FBXL13: variants seen among roughly 807,000 people sequenced by gnomAD.
The protein encoded by FBXL13 is F-box and leucine rich repeat protein 13.
In FBXL13, 67 loss-of-function variants were observed where a neutral mutation model predicts 83.6. The observed-to-expected ratio is 0.80, with a 90% CI of 0.66 to 0.98. FBXL13 has a LOEUF of 0.98. Among genes scored for constraint, FBXL13 ranks in the 50% least tolerant of loss-of-function variants. The pLI is 0.00. For synonymous variants in FBXL13, 272 were observed against 299.5 expected, an observed-to-expected ratio of 0.91 and a Z score of 0.95; for missense variants, 822 against 866.5, an observed-to-expected ratio of 0.95 and a Z score of 0.64.
intron 6 of FBXL13, among the ~76,000 whole-genome samples, chr7:102,974,719 T>C (rs1187494773): frequency 6.6e-6 from 1 of 152,082 alleles, no homozygotes; most frequent in Non-Finnish European, 1.5e-5. Context: ...TTTTCCTCGT[T>C]AGATCCAGCA....
At chr7:102,871,701 A>G (rs185737101) in intron 16 of FBXL13, among the ~76,000 whole-genome samples, 13 of 152,006 alleles carry the variant, frequency 8.6e-5, no homozygotes, top group Non-Finnish European at 1.8e-4. Context: ...CCAATTTTTA[A>G]TTTTTTTATT....
At chr7:102,828,695 G>C (rs1414749277) in intron 18 of FBXL13, among the ~76,000 whole-genome samples, 2 of 152,164 alleles carry the variant, frequency 1.3e-5, no homozygotes, top group Non-Finnish European at 1.5e-5. Context: ...TGTTTCAGTG[G>C]TCTAGAGACA....
intron 6 of FBXL13, among the ~76,000 whole-genome samples, chr7:103,004,375 G>A (rs1256081176): frequency 6.6e-6 from 1 of 152,220 alleles, no homozygotes. Flanking sequence ...GTCCAACTGT[G>A]TGAGAAGAAC....
At chr7:102,922,956 C>T (rs940944868) in intron 10 of FBXL13, among the ~76,000 whole-genome samples, 7 of 151,498 alleles carry the variant, frequency 4.6e-5, no homozygotes, top group South Asian at 4.2e-4. Flanking sequence ...CCAGCCTGGG[C>T]GACAGAGCGA....
At chr7:102,905,111 A>G (rs1467570811) in intron 11 of FBXL13, among the ~76,000 whole-genome samples, 1 of 152,156 alleles carries the variant, frequency 6.6e-6, no homozygotes, top group Non-Finnish European at 1.5e-5. Flanking sequence ...GTGTTCTGTA[A>G]ATATCTATCA....
chr7:103,028,282 T>G (rs1706124521), intron 4 of FBXL13, among the ~76,000 whole-genome samples: 1 of 152,200 alleles, frequency 6.6e-6, no homozygotes, highest in Admixed American at 6.5e-5. Context: ...TCAATTTTGG[T>G]ACCTGTCCAT....
At chr7:102,961,008 T>C (rs1825100289) in intron 8 of FBXL13, among the ~76,000 whole-genome samples, 1 of 149,286 alleles carries the variant, frequency 6.7e-6, no homozygotes. Context: ...GAGAAGGAAA[T>C]AAAGGGTATT....
At chr7:102,935,608 A>G (rs1015727092) in intron 8 of FBXL13, among the ~76,000 whole-genome samples, 4 of 152,222 alleles carry the variant, frequency 2.6e-5, no homozygotes, top group African/African-American at 9.7e-5. Context: ...CATGCAAGAT[A>G]AAGTCATGAG....
In FBXL13 at chr7:102,826,750, T is replaced by C. The variant is rs1424879223; in HGVS notation, c.1855-4547A>G. Among the ~76,000 whole-genome samples, 16 of 112,694 alleles carry C rather than the reference T, an allele frequency of 1.4e-4. 1 individual carries two copies. The highest frequency in any genetic ancestry group is 2.5e-4 in the Non-Finnish European group (14 of 56,338). 73.9% of individuals were successfully genotyped at this position (112,694 alleles called of 152,430 possible). A position where few individuals can be genotyped will look rare whatever the true frequency, so the allele number is the denominator to read the frequency against. ...ATATATATATATATATATATATATA[T>C]ATATATATATATATATATATATGTA... On this transcript the variant is annotated intron_variant, in intron 18 of 19. Transcript: ENST00000313221.
chr7:102,999,042 G>A (rs1038601892), intron 6 of FBXL13, among the ~76,000 whole-genome samples: 6 of 151,818 alleles, frequency 4.0e-5, no homozygotes, highest in Admixed American at 6.6e-5. Context: ...TCAGTACGAC[G>A]TTAGTTGTGG....
intron 17 of FBXL13, among the ~76,000 whole-genome samples, chr7:102,834,270 A>C (rs1047574025): frequency 7.3e-5 from 11 of 150,694 alleles, no homozygotes; most frequent in African/African-American, 2.7e-4. Flanking sequence ...CTCTTAGAAT[A>C]CAAAGTTAGA....
chr7:102,852,060 T>G (rs550882494), intron 17 of FBXL13, among the ~76,000 whole-genome samples: 1 of 152,312 alleles, frequency 6.6e-6, no homozygotes, highest in African/African-American at 2.4e-5. Context: ...ATATAACATT[T>G]CTATCCACAG....
intron 7 of FBXL13, among the ~76,000 whole-genome samples, chr7:102,966,352 C>T (rs1825965259): frequency 6.6e-6 from 1 of 152,118 alleles, no homozygotes; most frequent in African/African-American, 2.4e-5. Flanking sequence ...TTGGGTGATG[C>T]TGATACTACT....
At chr7:102,941,176 C>T (rs1821345884) in intron 8 of FBXL13, among the ~76,000 whole-genome samples, 1 of 152,142 alleles carries the variant, frequency 6.6e-6, no homozygotes, top group Non-Finnish European at 1.5e-5. Flanking sequence ...TATGTTTGAA[C>T]TGTGAAGTCA....
intron 17 of FBXL13, among the ~76,000 whole-genome samples, chr7:102,834,424 A>G (rs1429678774): frequency 7.0e-6 from 1 of 143,300 alleles, no homozygotes; most frequent in Non-Finnish European, 1.5e-5. Flanking sequence ...TATTATATAT[A>G]TGTGTGATTA....
At chr7:102,884,637 C>T (rs1007943049) in intron 11 of FBXL13, among the ~76,000 whole-genome samples, 2 of 151,954 alleles carry the variant, frequency 1.3e-5, no homozygotes, top group African/African-American at 4.8e-5. Flanking sequence ...ACAGCAAGAC[C>T]CTGTCTCTTT....
chr7:102,877,535 T>A, exon 16 of FBXL13: 1 of 1,611,382 alleles, frequency 6.2e-7, no homozygotes, highest in Non-Finnish European at 8.5e-7. Context: ...ATATATCCAA[T>A]TCCTTGGGCA....
At chr7:103,028,122 C>T (rs932356602) in intron 4 of FBXL13, among the ~76,000 whole-genome samples, 1 of 152,130 alleles carries the variant, frequency 6.6e-6, no homozygotes. Flanking sequence ...GGAGGTTATA[C>T]TGAGTGAGCA....
intron 10 of FBXL13, among the ~76,000 whole-genome samples, chr7:102,914,786 C>G (rs1164351852): frequency 6.6e-6 from 1 of 152,180 alleles, no homozygotes; most frequent in Admixed American, 6.5e-5. Flanking sequence ...GCTAATATCC[C>G]AAAGACACGC....
Sources: gnomAD v4.1 joint callset for allele counts (sites outside exome capture counted in the v4.1 genomes callset) on GRCh38, gnomAD v4.1.1 for gene constraint, MANE v1.5 for transcripts, NCBI Gene and HGNC (gene_info 2026-07-23, HGNC 2026-07-21) for gene names.